The following CCDC171 variants were observed in gnomAD, a reference collection of about 807,000 sequenced individuals.
CCDC171 encodes the protein coiled-coil domain-containing protein 171.
In CCDC171, 177 loss-of-function variants were observed where a neutral mutation model predicts 168.2. The observed-to-expected ratio is 1.05, with a 90% CI of 0.93 to 1.19. The LOEUF (loss-of-function observed/expected upper bound fraction) is 1.19, where lower values mean the gene tolerates loss of function less well. CCDC171 is among the 50% of genes most tolerant of loss of function. The pLI, the probability that CCDC171 is intolerant of heterozygous loss-of-function variation, is 0.00. For synonymous variants in CCDC171, 687 were observed against 540.8 expected (o/e 1.27, Z -3.75); for missense variants, 1,991 against 1,539.0 (o/e 1.29, Z -4.91).
At chr9:15,638,762 TA>T (rs144383462) in intron 7 of CCDC171, among the ~76,000 whole-genome samples, 2,745 of 150,574 alleles carry the variant, frequency 0.018, 88 homozygotes, top group African/African-American at 0.063. Flanking sequence ...TTTCTTAGAT[TA>T]AAAAAAAACA....
chr9:15,588,700 C>CTT (rs71323963), intron 4 of CCDC171: 1,382 of 124,042 alleles, frequency 0.011, 38 homozygotes, highest in African/African-American at 0.017. Context: ...AAGATGCAGA[C>CTT]TTTTTTTTTT....
chr9:15,935,575 A>G (rs7858135), intron 25 of CCDC171, among the ~76,000 whole-genome samples: 3,762 of 152,182 alleles, frequency 0.025, 134 homozygotes, highest in African/African-American at 0.084. Context: ...GAATTTGGTT[A>G]TATTAGCATA....
downstream of CCDC171, among the ~76,000 whole-genome samples, chr9:16,062,893 AGTTTC>A (rs1833951316): frequency 6.6e-6 from 1 of 152,174 alleles, no homozygotes; most frequent in Admixed American, 6.5e-5. Flanking sequence ...TTTGTAGGGG[AGTTTC>A]CCTCACTAGA....
chr9:15,734,701 A>C (rs1327131669), intron 16 of CCDC171, among the ~76,000 whole-genome samples: 2 of 152,100 alleles, frequency 1.3e-5, no homozygotes. Context: ...AGGACCTGTA[A>C]ATTTTATTTT....
the CCDC171 span, among the ~76,000 whole-genome samples, chr9:16,079,625 G>T: frequency 3.6e-4 from 55 of 152,304 alleles, no homozygotes; most frequent in African/African-American, 1.3e-3. Flanking sequence ...ATTCTTTCTG[G>T]GTAAGGAACC....
Position 15,820,648 on chromosome 9 carries a change from A to C in CCDC171, c.3268-26054A>C, listed in dbSNP as rs185111175. ...CTAAGACTAAACCAGGAAGAATTTG[A>C]ATCTCTGAATAGACAATAACAGGCT... On this transcript the variant is annotated intron_variant, in intron 21 of 25. Transcript: ENST00000380701. 1.1e-3 allele frequency among the ~76,000 whole-genome samples: 132 copies of C among 117,826 alleles called. 24 individuals carry two copies. The East Asian group carries it at 0.027, about 24-fold the overall frequency. 77.3% of individuals were successfully genotyped at this position (117,826 alleles called of 152,430 possible).
intron 11 of CCDC171, among the ~76,000 whole-genome samples, chr9:15,709,910 A>G (rs1179558884): frequency 6.6e-6 from 1 of 152,140 alleles, no homozygotes; most frequent in African/African-American, 2.4e-5. Flanking sequence ...TGTTGCCCTC[A>G]TCACTCAGAT....
At chr9:15,971,057 C>T (rs1831314539) in intron 25 of CCDC171, among the ~76,000 whole-genome samples, 1 of 151,786 alleles carries the variant, frequency 6.6e-6, no homozygotes. Flanking sequence ...AAAGTAAAGC[C>T]AAAGAGTTCT....
chr9:15,732,880 T>C (rs1169144085), intron 16 of CCDC171, among the ~76,000 whole-genome samples: 1 of 152,164 alleles, frequency 6.6e-6, no homozygotes, highest in East Asian at 1.9e-4. Flanking sequence ...TAAGCAACTA[T>C]TAAGTTGTTT....
chr9:15,687,537 A>G (rs908391217), intron 10 of CCDC171, among the ~76,000 whole-genome samples: 3 of 152,208 alleles, frequency 2.0e-5, no homozygotes, highest in Non-Finnish European at 2.9e-5. Flanking sequence ...AGTAAAGACT[A>G]ACAAGGAAAT....
chr9:15,703,433 T>A (rs1215952474), intron 11 of CCDC171, among the ~76,000 whole-genome samples: 2 of 152,232 alleles, frequency 1.3e-5, no homozygotes, highest in Admixed American at 1.3e-4. Context: ...CACCAGCCTC[T>A]GATAACCACC....
chr9:15,777,891 A>G, intron 19 of CCDC171, 65 bp downstream of exon 19: 2 of 1,075,696 alleles, frequency 1.9e-6, no homozygotes, highest in Non-Finnish European at 2.6e-6. Flanking sequence ...AATTAGCCTA[A>G]TTTGTAGTTT....
chr9:16,081,772 G>A, the CCDC171 span, among the ~76,000 whole-genome samples: 3 of 151,912 alleles, frequency 2.0e-5, no homozygotes, highest in African/African-American at 7.3e-5. Flanking sequence ...TCTGAGGTAG[G>A]TTTGCATGGG....
At chr9:15,563,082 A>G (rs2039444591) in intron 1 of CCDC171, among the ~76,000 whole-genome samples, 2 of 151,276 alleles carry the variant, frequency 1.3e-5, no homozygotes, top group Non-Finnish European at 3.0e-5. Flanking sequence ...CTTCAGTGTC[A>G]GAGAGTTATG....
chr9:15,692,621 G>A (rs986548301), intron 10 of CCDC171, among the ~76,000 whole-genome samples: 2 of 150,476 alleles, frequency 1.3e-5, no homozygotes, highest in African/African-American at 4.9e-5. Context: ...TCCGCCCCCT[G>A]GGTTCACGCC....
Position 15,823,782 on chromosome 9 carries a change from A to G in CCDC171, c.3268-22920A>G, listed in dbSNP as rs193260898. On this transcript the variant is annotated intron_variant, in intron 21 of 25. Transcript: ENST00000380701. The stretch of plus-strand genomic sequence containing the variant: ...AGGAGATTTTTGTATTTTATATTGA[A>G]AAAAATAAAATGCTTTACACAGATT... Among the ~76,000 whole-genome samples, 197 of 152,234 alleles carry G rather than the reference A, an allele frequency of 1.3e-3. 1 individual carries two copies. Among genetic ancestry groups the G allele is most frequent in the African/African-American group, 4.5e-3 (189 of 41,576 alleles).
At chr9:15,752,319 A>G (rs2055805726) in intron 18 of CCDC171, among the ~76,000 whole-genome samples, 1 of 152,128 alleles carries the variant, frequency 6.6e-6, no homozygotes, top group Non-Finnish European at 1.5e-5. Flanking sequence ...GTGTAAATTC[A>G]ACCATTGTAG....
chr9:15,798,560 C>T (rs1259859116), intron 21 of CCDC171, among the ~76,000 whole-genome samples: 2 of 151,970 alleles, frequency 1.3e-5, no homozygotes, highest in South Asian at 4.1e-4. Flanking sequence ...TAGTTTAGCC[C>T]TTCTTTTTCT....
downstream of CCDC171, among the ~76,000 whole-genome samples, chr9:15,975,113 ATAAT>A (rs974306200): frequency 4.2e-4 from 64 of 152,272 alleles, no homozygotes; most frequent in African/African-American, 1.4e-3. Context: ...AAGGTGGAAG[ATAAT>A]TAATATTTAT....
Sources: allele counts gnomAD v4.1 joint callset (sites outside exome capture counted in the v4.1 genomes callset), GRCh38; gene constraint gnomAD v4.1.1; transcripts MANE v1.5; gene names NCBI Gene and HGNC (gene_info 2026-07-23, HGNC 2026-07-21).